Variants in PLEKHA1 observed in about 807,000 individuals in gnomAD.
PLEKHA1 encodes pleckstrin homology domain containing A1.
A neutral mutation model predicts 52.0 loss-of-function variants in PLEKHA1; 34 were observed. The observed-to-expected ratio is 0.65, with a 90% CI of 0.50 to 0.87. PLEKHA1 has a LOEUF of 0.87. Ranked by LOEUF, PLEKHA1 falls within the 40% of genes least tolerant of loss-of-function variation. The probability of loss-of-function intolerance (pLI) is 0.00; values close to 1 mark genes in which losing one functional copy is unlikely to be tolerated. For missense variants in PLEKHA1, 497 were observed against 504.2 expected, an observed-to-expected ratio of 0.99 and a Z score of 0.14; for synonymous variants, 163 against 170.7, an observed-to-expected ratio of 0.95 and a Z score of 0.35.
At chr10:122,378,857 C>A (rs574195822) in intron 1 of PLEKHA1, among the ~76,000 whole-genome samples, 2 of 148,894 alleles carry the variant, frequency 1.3e-5, no homozygotes, top group South Asian at 4.2e-4. Flanking sequence ...ACCCTGTGGT[C>A]AGGCCACTTA....
rs1038885383 is a variant in PLEKHA1, at chr10:122,430,220, T to G, written c.*282T>G. 1 of 273,434 alleles carries G rather than the reference T, an allele frequency of 3.7e-6. No homozygotes were observed. The highest frequency in any genetic ancestry group is 2.2e-5 in the African/African-American group (1 of 45,568). The allele number at this position is 273,434 out of a possible 1,614,324, so 16.9% of individuals were successfully genotyped here. A position where few individuals can be genotyped will look rare whatever the true frequency, so the allele number is the denominator to read the frequency against. On this transcript the variant is annotated 3_prime_UTR_variant, in exon 12 of 12. Transcript: ENST00000368990. ...GGGTGGTAACAATGTATGTGTAATA[T>G]TTTTTTCTTAGTGATTTTGACAGTT...
At chr10:122,409,362 A>AG (rs575568198) in intron 5 of PLEKHA1, among the ~76,000 whole-genome samples, 161 of 152,338 alleles carry the variant, frequency 1.1e-3, no homozygotes, top group African/African-American at 3.8e-3. Context: ...TCAGCCCCGA[A>AG]GGGGGAGTAT....
Position 122,393,482 on chromosome 10 carries a change from C to A in PLEKHA1, c.141+141C>A. 1.5e-6 allele frequency: 1 copy of A among 673,654 alleles called. No homozygotes were observed. The highest frequency in any genetic ancestry group is 2.2e-6 in the Non-Finnish European group (1 of 461,404). 41.7% of individuals were successfully genotyped at this position (673,654 alleles called of 1,614,324 possible). On this transcript the variant is annotated intron_variant, in intron 2 of 11. Transcript: ENST00000368990. The surrounding 1 kb of genome is among the most constrained non-coding windows in gnomAD (Gnocchi z 4.5). ...TCTACTGGCTGTCCTCTCTGCCCTG[C>A]ACCCCTGACCTCTACTGTTTTGTTT... is the stretch of plus-strand genomic sequence containing the variant.
rs548237445 is a variant in PLEKHA1, at chr10:122,423,978, G to A, written c.682-221G>A. On this transcript the variant is annotated intron_variant, in intron 8 of 11. Coordinates refer to ENST00000368990, the MANE Select transcript of PLEKHA1 (RefSeq NM_001001974.4). ...GCCAGAAATAATGTGAATAAGGGCC[G>A]TATGCAGTTTTTCTTGTTTCAAACA... The A allele has an allele frequency of 1.6e-5, 9 of 552,732 alleles. No homozygotes were observed. In the South Asian group the frequency reaches 1.8e-4, roughly 11 times the overall value. 34.2% of individuals were successfully genotyped at this position (552,732 alleles called of 1,614,324 possible).
intron 7 of PLEKHA1, among the ~76,000 whole-genome samples, chr10:122,417,305 G>A (rs1302447525): frequency 6.6e-6 from 1 of 151,424 alleles, no homozygotes; most frequent in Non-Finnish European, 1.5e-5. Flanking sequence ...GGGGCGAGGA[G>A]TAGGAGGAAG....
chr10:122,409,138 G>T (rs1434535134), intron 5 of PLEKHA1, among the ~76,000 whole-genome samples: 4 of 151,836 alleles, frequency 2.6e-5, no homozygotes, highest in Non-Finnish European at 5.9e-5. Flanking sequence ...GTCTAGGTGG[G>T]TGCCACTTGA....
At chr10:122,379,983 C>G (rs200495431) in intron 1 of PLEKHA1, among the ~76,000 whole-genome samples, 1 of 152,012 alleles carries the variant, frequency 6.6e-6, no homozygotes, top group Admixed American at 6.6e-5. Context: ...ATGAGTAAAG[C>G]TGAAGGAGAA....
intron 3 of PLEKHA1, among the ~76,000 whole-genome samples, chr10:122,399,749 ATTT>A (rs1010778422): frequency 6.6e-6 from 1 of 150,706 alleles, no homozygotes; most frequent in Non-Finnish European, 1.5e-5. Flanking sequence ...TGCCCAGCTA[ATTT>A]TTTTTTGTAT....
At chr10:122,417,645 C>CAA (rs373627172) in intron 7 of PLEKHA1, among the ~76,000 whole-genome samples, 6,874 of 94,046 alleles carry the variant, frequency 0.073, 724 homozygotes, top group African/African-American at 0.23. Context: ...GACTCTGTCT[C>CAA]AAAAAAAAAA....
At chr10:122,388,057 G>T (rs911669677) in intron 1 of PLEKHA1, 1 of 152,020 alleles carries the variant, frequency 6.6e-6, no homozygotes, top group Non-Finnish European at 1.5e-5. Flanking sequence ...ATTTTAGTGC[G>T]TACAACCCAA....
chr10:122,394,071 T>G lies in PLEKHA1; in HGVS notation c.141+730T>G, dbSNP rs1350412418. The stretch of plus-strand genomic sequence containing the variant: ...TTTTAAACTTTCAACTTTCTCTACT[T>G]TTTTTTTTTTTTTTTTTTTTTTTTG... On this transcript the variant is annotated intron_variant, in intron 2 of 11. Transcript: ENST00000368990. Among the ~76,000 whole-genome samples, 16 of 86,550 alleles carry G rather than the reference T, an allele frequency of 1.8e-4. 1 individual carries two copies. In the East Asian group the frequency reaches 4.3e-3, roughly 23 times the overall value. The allele number at this position is 86,550 out of a possible 152,430, so 56.8% of individuals were successfully genotyped here. A position where few individuals can be genotyped will look rare whatever the true frequency, so the allele number is the denominator to read the frequency against.
chr10:122,396,036 TGATGGTAATCA>T (rs1430884006), intron 2 of PLEKHA1, among the ~76,000 whole-genome samples: 1 of 152,062 alleles, frequency 6.6e-6, no homozygotes, highest in East Asian at 1.9e-4. Flanking sequence ...CAGTCGAACC[TGATGGTAATCA>T]TACTAGTCCA....
At chr10:122,391,408 T>C (rs1017825623) in intron 1 of PLEKHA1, among the ~76,000 whole-genome samples, 1 of 152,216 alleles carries the variant, frequency 6.6e-6, no homozygotes, top group African/African-American at 2.4e-5. Context: ...GTTTTAGCTC[T>C]TAAATTGTTA....
intron 6 of PLEKHA1, among the ~76,000 whole-genome samples, chr10:122,414,016 T>C (rs2097141325): frequency 6.6e-6 from 1 of 152,128 alleles, no homozygotes; most frequent in Non-Finnish European, 1.5e-5. Context: ...TTCTTTATGC[T>C]TGGCAAAGGG....
At chr10:122,427,313 G>T (rs1422680576) in intron 11 of PLEKHA1, among the ~76,000 whole-genome samples, 1 of 152,206 alleles carries the variant, frequency 6.6e-6, no homozygotes, top group Non-Finnish European at 1.5e-5. Flanking sequence ...TTACTTGTCA[G>T]TAGCTCTAGA....
chr10:122,399,329 A>G (rs2096894649), intron 3 of PLEKHA1, among the ~76,000 whole-genome samples: 2 of 152,128 alleles, frequency 1.3e-5, no homozygotes, highest in East Asian at 1.9e-4. Flanking sequence ...CAGCATGGCA[A>G]TAGTTGTGAA....
chr10:122,426,418 C>T (rs2097340262), intron 10 of PLEKHA1, among the ~76,000 whole-genome samples: 1 of 151,990 alleles, frequency 6.6e-6, no homozygotes, highest in South Asian at 2.1e-4. Flanking sequence ...GGCAGTATCT[C>T]TGCACCCCGA....
chr10:122,408,080 AT>A (rs2134522799), intron 5 of PLEKHA1, among the ~76,000 whole-genome samples: 1 of 152,334 alleles, frequency 6.6e-6, no homozygotes, highest in Non-Finnish European at 1.5e-5. Flanking sequence ...TTTTAACCTG[AT>A]TCAGACATAC....
intron 9 of PLEKHA1, 69 bp downstream of exon 9, chr10:122,424,332 A>T: frequency 1.4e-6 from 2 of 1,472,340 alleles, no homozygotes; most frequent in Non-Finnish European, 1.8e-6. Flanking sequence ...AGTTTGAGTA[A>T]TGTACTTACA....
Sources: gnomAD v4.1 joint callset for allele counts (sites outside exome capture counted in the v4.1 genomes callset) on GRCh38, gnomAD v4.1.1 for gene constraint, Gnocchi (gnomAD v3.1) non-coding constraint, MANE v1.5 for transcripts, NCBI Gene and HGNC (gene_info 2026-07-23, HGNC 2026-07-21) for gene names.